The following SLC24A2 variants were observed in gnomAD, a reference collection of about 807,000 sequenced individuals.
SLC24A2 encodes solute carrier family 24 member 2.
Under a neutral mutation model 62.0 loss-of-function variants are expected in SLC24A2, and 36 were observed. The ratio of observed to expected loss-of-function variants is 0.58; its 90% CI spans 0.44 to 0.77. The LOEUF (loss-of-function observed/expected upper bound fraction) is 0.77. SLC24A2 is among the 30% of genes least tolerant of loss of function. The pLI is 0.00. For synonymous variants in SLC24A2, 358 were observed against 294.0 expected (o/e 1.22, Z -2.23); for missense variants, 846 against 817.9 (o/e 1.03, Z -0.42).
chr9:19,687,878 T>C (rs1483048047), intron 2 of SLC24A2, among the ~76,000 whole-genome samples: 1 of 152,130 alleles, frequency 6.6e-6, no homozygotes, highest in African/African-American at 2.4e-5. Context: ...CTTGCGTTAC[T>C]TAAATGTTAA....
chr9:19,636,279 TTCTTC>T (rs1486700882), intron 2 of SLC24A2, among the ~76,000 whole-genome samples: 1 of 54,866 alleles, frequency 1.8e-5, no homozygotes, highest in African/African-American at 8.1e-5. Flanking sequence ...TCTTCTTCTC[TTCTTC>T]TCTTCTTTTC....
At chr9:19,524,490 A>G (rs987606710) in intron 9 of SLC24A2, among the ~76,000 whole-genome samples, 5 of 152,058 alleles carry the variant, frequency 3.3e-5, no homozygotes, top group Non-Finnish European at 5.9e-5. Flanking sequence ...TTTTTTGCCA[A>G]ACAGTAGCCA....
At chr9:20,236,908 G>T in the SLC24A2 span, among the ~76,000 whole-genome samples, 7 of 151,800 alleles carry the variant, frequency 4.6e-5, no homozygotes, top group African/African-American at 1.5e-4. Context: ...TACTTGTTTG[G>T]TCCTGCAGGA....
chr9:20,249,665 A>G, the SLC24A2 span, among the ~76,000 whole-genome samples: 2 of 140,620 alleles, frequency 1.4e-5, no homozygotes, highest in African/African-American at 5.5e-5. Flanking sequence ...CGATTGCACC[A>G]TTGCACTCCA....
chr9:19,972,420 G>A, the SLC24A2 span, among the ~76,000 whole-genome samples: 1 of 152,098 alleles, frequency 6.6e-6, no homozygotes, highest in African/African-American at 2.4e-5. Context: ...TGTTTTGTAT[G>A]TGCCAGGCAG....
chr9:20,142,438 G>A, the SLC24A2 span, among the ~76,000 whole-genome samples: 1 of 148,174 alleles, frequency 6.7e-6, no homozygotes, highest in Non-Finnish European at 1.5e-5. Context: ...AGACTGCAAG[G>A]TCACTTAAAT....
the SLC24A2 span, among the ~76,000 whole-genome samples, chr9:20,285,051 G>T: frequency 6.6e-6 from 1 of 152,100 alleles, no homozygotes; most frequent in African/African-American, 2.4e-5. Context: ...CTACCAGCAG[G>T]CCAAAATGAC....
the SLC24A2 span, among the ~76,000 whole-genome samples, chr9:20,105,993 C>A: frequency 6.6e-6 from 1 of 152,032 alleles, no homozygotes; most frequent in Non-Finnish European, 1.5e-5. Flanking sequence ...CAAATAGACG[C>A]AATAAAAAAT....
At chr9:19,865,847 T>C in the SLC24A2 span, among the ~76,000 whole-genome samples, 9,164 of 152,146 alleles carry the variant, frequency 0.06, 403 homozygotes, top group African/African-American at 0.11. Context: ...AATGAACTTA[T>C]GGGATCACAG....
At chr9:19,596,151 C>G (rs1196992804) in intron 5 of SLC24A2, among the ~76,000 whole-genome samples, 4 of 152,174 alleles carry the variant, frequency 2.6e-5, no homozygotes, top group African/African-American at 9.7e-5. Context: ...GGGGCTTCCT[C>G]TTGCCCGGGG....
chr9:20,302,479 A>C, the SLC24A2 span, among the ~76,000 whole-genome samples: 2 of 152,198 alleles, frequency 1.3e-5, no homozygotes, highest in Non-Finnish European at 2.9e-5. Flanking sequence ...CCCTAATGAC[A>C]GTGATGTGGA....
rs186528907 is a variant in SLC24A2, at chr9:19,784,909, C to G, written c.930+1028G>C. ...CTATAAAAGAATTATGCAAATTTAA[C>G]CATATTAATATCATTTTTCTTTTCT... On this transcript the variant is annotated intron_variant, in intron 2 of 10. Coordinates refer to ENST00000341998, the MANE Select transcript of SLC24A2 (RefSeq NM_020344.4). Among the ~76,000 whole-genome samples, 4 of 152,086 alleles carry G rather than the reference C, an allele frequency of 2.6e-5. No homozygotes were observed. In the East Asian group the frequency reaches 5.8e-4, roughly 22 times the overall value.
the SLC24A2 span, among the ~76,000 whole-genome samples, chr9:20,233,707 A>C: frequency 6.6e-6 from 1 of 152,122 alleles, no homozygotes; most frequent in Non-Finnish European, 1.5e-5. Flanking sequence ...CTTTTAATTG[A>C]AGCATTTAGT....
At chr9:20,228,854 T>C in the SLC24A2 span, among the ~76,000 whole-genome samples, 4 of 151,988 alleles carry the variant, frequency 2.6e-5, no homozygotes, top group South Asian at 2.1e-4. Flanking sequence ...GTTCACTCTG[T>C]AGAAGGGGCA....
chr9:20,206,021 G>T, the SLC24A2 span, among the ~76,000 whole-genome samples: 1,898 of 152,242 alleles, frequency 0.012, 36 homozygotes, highest in African/African-American at 0.043. Flanking sequence ...TTTTCCAAAT[G>T]ACTAATACCT....
At chr9:20,263,857 A>ACCCCCCCCCCCCCCCCCCCCCCC in the SLC24A2 span, among the ~76,000 whole-genome samples, 2 of 22,220 alleles carry the variant, frequency 9.0e-5, no homozygotes, top group Non-Finnish European at 1.7e-4. Context: ...TGGATATCCC[A>ACCCCCCCCCCCCCCCCCCCCCCC]CCCGCCCCCC....
chr9:19,995,886 A>G, the SLC24A2 span, among the ~76,000 whole-genome samples: 1 of 152,210 alleles, frequency 6.6e-6, no homozygotes, highest in Non-Finnish European at 1.5e-5. Context: ...TCTCCTCTTT[A>G]GAGATGAACA....
chr9:20,282,303 T>TA, the SLC24A2 span, among the ~76,000 whole-genome samples: 1 of 152,164 alleles, frequency 6.6e-6, no homozygotes, highest in Non-Finnish European at 1.5e-5. Flanking sequence ...ATGGTTTGTG[T>TA]AAAAGAAATA....
the SLC24A2 span, among the ~76,000 whole-genome samples, chr9:19,832,189 G>T: frequency 6.6e-6 from 1 of 152,222 alleles, no homozygotes; most frequent in East Asian, 1.9e-4. Context: ...CCAGATTTTG[G>T]TCTGGTGAGC....
Sources: gnomAD v4.1 joint callset for allele counts (sites outside exome capture counted in the v4.1 genomes callset) on GRCh38, gnomAD v4.1.1 for gene constraint, MANE v1.5 for transcripts, NCBI Gene and HGNC (gene_info 2026-07-23, HGNC 2026-07-21) for gene names.